Variants in SYNE2 observed in about 807,000 individuals in gnomAD.
SYNE2 encodes the protein spectrin repeat containing nuclear envelope protein 2.
Under a neutral mutation model 856.3 loss-of-function variants are expected in SYNE2, and 431 were observed. The observed-to-expected ratio is 0.50, with a 90% CI of 0.47 to 0.55. The LOEUF (loss-of-function observed/expected upper bound fraction) is 0.55. Among genes scored for constraint, SYNE2 ranks in the 20% least tolerant of loss-of-function variants. The pLI is 0.00. For missense variants in SYNE2, 8,129 were observed against 8,023.2 expected, an observed-to-expected ratio of 1.01 and a Z score of -0.50; for synonymous variants, 2,923 against 2,872.3, an observed-to-expected ratio of 1.02 and a Z score of -0.56.
At position 63,961,769 on chromosome 14, in the gene SYNE2, T is replaced by C. The variant is rs2096318184; in HGVS notation, c.888+144T>C. 17 of 702,686 alleles carry C rather than the reference T, an allele frequency of 2.4e-5. 1 individual carries two copies. The South Asian group carries it at 2.5e-4, about 10-fold the overall frequency. 43.5% of individuals were successfully genotyped at this position (702,686 alleles called of 1,614,324 possible). Reference sequence around the variant, plus strand: ...ACCCCTGTAAATCATACTTCAATCATGATGTAAAACATTTCTAGTACCCAA... The same window carrying C: ...ACCCCTGTAAATCATACTTCAATCACGATGTAAAACATTTCTAGTACCCAA... On this transcript the variant is annotated intron_variant, in intron 9 of 115. Transcript: ENST00000555002.
chr14:64,125,050 C>T, intron 70 of SYNE2, 29 bp from the exon 71 acceptor site: 1 of 1,613,604 alleles, frequency 6.2e-7, no homozygotes, highest in East Asian at 2.2e-5. Flanking sequence ...CTAAAACTGT[C>T]AGTAATAGGG....
Position 64,163,466 on chromosome 14 carries a change from G to A in SYNE2, c.16364G>A (p.Arg5455Gln), listed in dbSNP as rs1176640692. ...CTCCAAAATTCCAGTGTCCTGGATC[G>A]ACTCCCACAACCCGCAGAGTCCAGC... The part of the protein sequence containing the change: ...AFLQNSSVLD[R>Q]LPQPAESSTH... The change falls in exon 89 of 116, where the codon CGA becomes CAA. Residue 5455 changes from arginine (R) to glutamine (Q), a missense_variant. Physicochemically the swap from Arg to Gln is conservative, Grantham distance 43. This residue lies in a region of SYNE2 where 5,410 missense variants were observed against 5,284.8 expected (regional missense o/e 1.02). Coordinates refer to ENST00000555002, the MANE Select transcript of SYNE2 (RefSeq NM_182914.3). 3 of 1,613,992 alleles carry A rather than the reference G, an allele frequency of 1.9e-6. No homozygotes were observed. Among genetic ancestry groups the A allele is most frequent in the African/African-American group, 2.7e-5 (2 of 74,880 alleles).
chr14:63,923,579 G>A (rs2095625978), intron 2 of SYNE2, among the ~76,000 whole-genome samples: 1 of 152,194 alleles, frequency 6.6e-6, no homozygotes, highest in Non-Finnish European at 1.5e-5. Flanking sequence ...AAAATGAGGA[G>A]CAAACTCAGA....
At chr14:63,989,090 T>C (rs1197312761) in intron 19 of SYNE2, among the ~76,000 whole-genome samples, 1 of 152,246 alleles carries the variant, frequency 6.6e-6, no homozygotes, top group Admixed American at 6.5e-5. Flanking sequence ...TAGACATCTG[T>C]TTCTATGAAT....
chr14:64,152,853 T>A, intron 85 of SYNE2, 137 bp downstream of exon 85: 2 of 1,147,618 alleles, frequency 1.7e-6, no homozygotes, highest in Non-Finnish European at 2.5e-6. Flanking sequence ...AAAATTGAAG[T>A]AAATTAGAAG....
chr14:64,196,361 G>A (rs2098540563), intron 99 of SYNE2, among the ~76,000 whole-genome samples: 1 of 152,150 alleles, frequency 6.6e-6, no homozygotes, highest in Admixed American at 6.5e-5. Context: ...TAAATAAGGA[G>A]GAATTTTCAG....
intron 23 of SYNE2, 49 bp downstream of exon 23, chr14:63,995,251 T>G: frequency 8.6e-6 from 13 of 1,506,688 alleles, no homozygotes; most frequent in African/African-American, 1.4e-5. Flanking sequence ...TTGGGGTTTA[T>G]CTTAAATGGT....
chr14:64,218,301 C>T (rs1012583397), intron 108 of SYNE2, 97 bp from the exon 109 acceptor site: 16 of 1,075,880 alleles, frequency 1.5e-5, no homozygotes, highest in Non-Finnish European at 2.1e-5. Flanking sequence ...GAAAGGGGCC[C>T]ATCTCATTTC....
intron 1 of SYNE2, among the ~76,000 whole-genome samples, chr14:63,783,762 A>T (rs1035141837): frequency 2.6e-5 from 4 of 152,186 alleles, no homozygotes; most frequent in African/African-American, 9.7e-5. Context: ...AGAGAGATCA[A>T]AGACTCATTA....
chr14:64,113,261 A>G (rs547687612), intron 65 of SYNE2, 80 bp from the exon 66 acceptor site: 2 of 1,608,102 alleles, frequency 1.2e-6, no homozygotes, highest in Non-Finnish European at 1.7e-6. Context: ...TAACTGGGGA[A>G]ATGTTGCAGG....
chr14:63,993,748 C>T, intron 21 of SYNE2, 87 bp from the exon 22 acceptor site: 1 of 1,226,376 alleles, frequency 8.2e-7, no homozygotes, highest in South Asian at 1.3e-5. Flanking sequence ...CAGTTAAAGA[C>T]ATACCAAAAT....
chr14:63,992,892 G>A (rs1474984475), intron 21 of SYNE2, among the ~76,000 whole-genome samples: 1 of 152,188 alleles, frequency 6.6e-6, no homozygotes, highest in Non-Finnish European at 1.5e-5. Flanking sequence ...CCATAAAAAT[G>A]TGTAATGAGT....
At chr14:64,184,483 A>T (rs189221177) in intron 96 of SYNE2, among the ~76,000 whole-genome samples, 2 of 152,270 alleles carry the variant, frequency 1.3e-5, no homozygotes, top group East Asian at 3.9e-4. Context: ...TAAGTATTCA[A>T]ACCAAACTGA....
chr14:63,772,629 G>A lies in SYNE2; in HGVS notation c.-305+10643G>A, dbSNP rs559228717. 2.0e-5 allele frequency among the ~76,000 whole-genome samples: 3 copies of A among 151,102 alleles called. No individual in the cohort carries two copies. The South Asian group carries it at 6.4e-4, about 32-fold the overall frequency. On this transcript the variant is annotated intron_variant, in intron 1 of 23. Transcript: ENST00000674003. Reference sequence around the variant, plus strand: ...GCGGTGGTGTGCACCTATAATCCCAGCTATTCGGGAGGCTGAGGCAGGAGA... The same window carrying A: ...GCGGTGGTGTGCACCTATAATCCCAACTATTCGGGAGGCTGAGGCAGGAGA...
At chr14:64,017,571 G>GT (rs752721663) in intron 33 of SYNE2, 24 bp from the exon 34 acceptor site, 19 of 1,590,366 alleles carry the variant, frequency 1.2e-5, no homozygotes, top group Middle Eastern at 2.1e-4. Context: ...TACATATGTT[G>GT]TTTCTCTTTT....
chr14:63,991,183 A>T, intron 21 of SYNE2, 68 bp downstream of exon 21: 2 of 1,481,932 alleles, frequency 1.3e-6, no homozygotes, highest in Non-Finnish European at 1.9e-6. Flanking sequence ...TGAAATCAAG[A>T]TGTTTCCTTC....
intron 109 of SYNE2, 43 bp from the exon 110 acceptor site, chr14:64,219,165 G>A: frequency 9.6e-7 from 1 of 1,040,264 alleles, no homozygotes; most frequent in South Asian, 1.3e-5. Flanking sequence ...AGAGAAATCT[G>A]TTGCATTATT....
chr14:63,922,425 T>C (rs1277033855), intron 2 of SYNE2, among the ~76,000 whole-genome samples: 1 of 152,198 alleles, frequency 6.6e-6, no homozygotes, highest in Non-Finnish European at 1.5e-5. Context: ...GTGTCATAGT[T>C]CCTTACCTGT....
intron 1 of SYNE2, among the ~76,000 whole-genome samples, chr14:63,843,360 A>G (rs893060252): frequency 3.9e-5 from 6 of 152,140 alleles, no homozygotes; most frequent in Non-Finnish European, 7.3e-5. Context: ...TGTTAATTTT[A>G]AATCTAGCTA....
Sources: gnomAD v4.1 joint callset for allele counts (sites outside exome capture counted in the v4.1 genomes callset) on GRCh38, gnomAD v4.1.1 for gene constraint, gnomAD v4.1.1 regional missense constraint, MANE v1.5 for transcripts, NCBI Gene and HGNC (gene_info 2026-07-23, HGNC 2026-07-21) for gene names.